UBE3B: variants seen among roughly 807,000 people sequenced by gnomAD.
UBE3B encodes ubiquitin protein ligase E3B, also known as ubiquitin-protein ligase E3B.
UBE3B carries 80 observed loss-of-function variants against 132.3 expected under a neutral mutation model. The observed-to-expected ratio is 0.60, with a 90% CI of 0.50 to 0.73. The LOEUF (loss-of-function observed/expected upper bound fraction) is 0.73, where lower values mean the gene tolerates loss of function less well. Among genes scored for constraint, UBE3B ranks in the 30% least tolerant of loss-of-function variants. The pLI is 0.00. For missense variants in UBE3B, 1,196 were observed against 1,362.5 expected (o/e 0.88, Z 1.92); for synonymous variants, 487 against 520.4 (o/e 0.94, Z 0.87).
chr12:109,493,410 G>A (rs1163804159), intron 9 of UBE3B, among the ~76,000 whole-genome samples: 1 of 152,158 alleles, frequency 6.6e-6, no homozygotes, highest in Non-Finnish European at 1.5e-5. Context: ...CCCTGTCCTG[G>A]TGTGGTTGTA....
intron 24 of UBE3B, among the ~76,000 whole-genome samples, chr12:109,529,098 T>A (rs1882684705): frequency 6.6e-6 from 1 of 151,974 alleles, no homozygotes; most frequent in South Asian, 2.1e-4. Context: ...GAGTCAGAGG[T>A]CGCAGTGAGC....
At chr12:109,523,901 G>A (rs1881993930) in intron 21 of UBE3B, 77 bp from the exon 22 acceptor site, 2 of 1,588,654 alleles carry the variant, frequency 1.3e-6, no homozygotes, top group South Asian at 2.3e-5. Context: ...GGCCATGTCT[G>A]CACCCTGAGC....
intron 2 of UBE3B, among the ~76,000 whole-genome samples, chr12:109,482,401 TCC>T (rs1162334606): frequency 1.3e-5 from 2 of 152,196 alleles, no homozygotes; most frequent in East Asian, 3.9e-4. Flanking sequence ...ATTGTTTTGC[TCC>T]CACTTCTAAG....
At chr12:109,533,978 T>G in intron 27 of UBE3B, 1 of 1,300,468 alleles carries the variant, frequency 7.7e-7, no homozygotes, top group South Asian at 1.2e-5. Flanking sequence ...CTGCTTCATT[T>G]CCTCATTGGC....
At chr12:109,486,407 G>T in intron 5 of UBE3B, 64 bp from the exon 6 acceptor site, 1 of 1,347,700 alleles carries the variant, frequency 7.4e-7, no homozygotes. Flanking sequence ...AGTTCCAACA[G>T]TTAGAGCACA....
chr12:109,499,461 C>T (rs936530682), intron 11 of UBE3B, among the ~76,000 whole-genome samples, 172 bp from the exon 12 acceptor site: 6 of 152,202 alleles, frequency 3.9e-5, no homozygotes, highest in African/African-American at 9.7e-5. Flanking sequence ...CAGCTTGGCC[C>T]GTTTCTTACC....
At position 109,491,062 on chromosome 12, in the gene UBE3B, C is replaced by T. The variant is rs1364579566; in HGVS notation, c.648C>T (p.Gly216=). The change falls in exon 9 of 28, where the codon GGC becomes GGT. Residue 216 remains glycine (G), a synonymous_variant. Transcript: ENST00000342494. ...CTTTTCAGATATTGTTAACCCGTGG[C>T]CTGGCAAGACCCCGTCCTTGTCTAT... ...YSVLQILLTR[G]LARPRPCLSK... is the part of the protein sequence containing the mutation. 6.2e-7 allele frequency: 1 copy of T among 1,613,748 alleles called. No individual in the cohort carries two copies. The highest frequency in any genetic ancestry group is 8.5e-7 in the Non-Finnish European group (1 of 1,179,748).
intron 1 of UBE3B, 25 bp downstream of exon 1, chr12:109,478,134 C>T (rs1874632328): frequency 6.5e-6 from 1 of 153,810 alleles, no homozygotes; most frequent in Non-Finnish European, 1.4e-5. Flanking sequence ...CTCTCTGAGC[C>T]TCAGTTTCCT....
At chr12:109,541,166 C>T (rs1046656068), downstream of UBE3B, among the ~76,000 whole-genome samples, 2 of 152,354 alleles carry the variant, frequency 1.3e-5, no homozygotes, top group African/African-American at 4.8e-5. Flanking sequence ...GCTAGGGTCC[C>T]CTCACTAGTC....
intron 9 of UBE3B, among the ~76,000 whole-genome samples, 162 bp from the exon 10 acceptor site, chr12:109,497,656 C>A (rs747557488): frequency 5.3e-5 from 8 of 152,188 alleles, no homozygotes; most frequent in Non-Finnish European, 1.2e-4. Flanking sequence ...CCATCACTGA[C>A]TTGTCCATTT....
Position 109,511,196 on chromosome 12 carries a change from T to C in UBE3B, c.1857-8T>C, listed in dbSNP as rs1880328992. On this transcript the variant is annotated splice_region_variant and splice_polypyrimidine_tract_variant and intron_variant, in intron 17 of 27. Coordinates refer to ENST00000342494, the MANE Select transcript of UBE3B (RefSeq NM_130466.4). ...TAATTCTCCCAAACCCATGTCTTTCTTCTCAAGGGATCTCAAACCTAGCGT... is the reference window on the plus strand; with the variant it reads ...TAATTCTCCCAAACCCATGTCTTTCCTCTCAAGGGATCTCAAACCTAGCGT... 2.5e-6 allele frequency: 4 copies of C among 1,613,702 alleles called. No individual in the cohort carries two copies. The African/African-American group carries it at 5.3e-5, about 22-fold the overall frequency.
At chr12:109,533,061 C>A (rs749095735) in intron 26 of UBE3B, among the ~76,000 whole-genome samples, 5 of 152,174 alleles carry the variant, frequency 3.3e-5, no homozygotes, top group Non-Finnish European at 7.3e-5. Flanking sequence ...TCACCGTCTC[C>A]CATTTTCTCC....
chr12:109,497,782 A>C (rs774583113), intron 9 of UBE3B, 36 bp from the exon 10 acceptor site: 1 of 1,605,864 alleles, frequency 6.2e-7, no homozygotes, highest in South Asian at 1.1e-5. Context: ...ATGCACACGG[A>C]GACCTGTCTG....
At chr12:109,492,187 T>G (rs1391459642) in intron 9 of UBE3B, 1 of 152,232 alleles carries the variant, frequency 6.6e-6, no homozygotes, top group Non-Finnish European at 1.5e-5. Flanking sequence ...TATAAACACC[T>G]GGTCTAGACT....
the UBE3B span, among the ~76,000 whole-genome samples, chr12:109,544,213 G>A: frequency 1.3e-5 from 2 of 152,158 alleles, no homozygotes; most frequent in Admixed American, 6.5e-5. Flanking sequence ...AGGGACACAC[G>A]GCCTTACGTG....
intron 14 of UBE3B, among the ~76,000 whole-genome samples, chr12:109,506,492 G>T (rs1791642518): frequency 6.6e-6 from 1 of 152,190 alleles, no homozygotes; most frequent in South Asian, 2.1e-4. Context: ...GGGATTACAG[G>T]TGCTGGCCAC....
intron 8 of UBE3B, 53 bp downstream of exon 8, chr12:109,490,057 A>G (rs954879486): frequency 2.6e-6 from 4 of 1,556,704 alleles, no homozygotes; most frequent in Non-Finnish European, 3.5e-6. Flanking sequence ...CAACACCTGC[A>G]CTTGGATTTT....
Position 109,530,199 on chromosome 12 carries a change from C to A in UBE3B, c.2810+127C>A. 6.4e-6 allele frequency: 7 copies of A among 1,094,442 alleles called. No homozygotes were observed. In the South Asian group the frequency reaches 1.1e-4, roughly 17 times the overall value. The allele number at this position is 1,094,442 out of a possible 1,614,324, so 67.8% of individuals were successfully genotyped here. On this transcript the variant is annotated intron_variant, in intron 25 of 27. Transcript: ENST00000342494. ...TCCAGATCTCCTTCTCCTCCCTGGA[C>A]TGGCTAGACTGCTTTGGATTAAAAG... is the stretch of plus-strand genomic sequence containing the variant.
chr12:109,534,730 G>A lies in UBE3B; in HGVS notation c.3155G>A (p.Arg1052His), dbSNP rs780986770. 13 of 1,598,866 alleles carry A rather than the reference G, an allele frequency of 8.1e-6. No homozygotes were observed. The Admixed American group carries it at 8.6e-5, about 11-fold the overall frequency. Residue 1052 changes from arginine (R) to histidine (H), a missense_variant, in exon 28 of 28, where the codon CGC becomes CAC. By Grantham distance (29) the Arg-to-His change is conservative. Transcript: ENST00000342494. This position sits in a 1 kb window ranked among gnomAD's most constrained non-coding sequence, Gnocchi z 5.2. ...LPNYSKKSVL[R>H]EKLRYAISMN... Reference sequence around the variant, plus strand: ...AACTACAGCAAGAAGAGCGTCCTCCGCGAGAAGCTGCGCTACGCCATCAGC... The same window carrying A: ...AACTACAGCAAGAAGAGCGTCCTCCACGAGAAGCTGCGCTACGCCATCAGC...
Sources: allele counts gnomAD v4.1 joint callset (sites outside exome capture counted in the v4.1 genomes callset), GRCh38; gene constraint gnomAD v4.1.1; non-coding constraint Gnocchi (gnomAD v3.1); transcripts MANE v1.5; gene names NCBI Gene and HGNC (gene_info 2026-07-23, HGNC 2026-07-21).